ANO10: variants seen among roughly 807,000 people sequenced by gnomAD.
The protein encoded by ANO10 is anoctamin-10.
ANO10 carries 77 observed loss-of-function variants against 74.7 expected under a neutral mutation model. The ratio of observed to expected loss-of-function variants is 1.03; its 90% CI spans 0.86 to 1.25. The LOEUF (loss-of-function observed/expected upper bound fraction) is 1.25. Among genes scored for constraint, ANO10 ranks in the 50% most tolerant of loss-of-function variants. The pLI is 0.00. For synonymous variants in ANO10, 279 were observed against 284.9 expected, an observed-to-expected ratio of 0.98 and a Z score of 0.21; for missense variants, 721 against 778.1, an observed-to-expected ratio of 0.93 and a Z score of 0.87.
rs1415493482 is a variant in ANO10 at position 43,549,795 on chromosome 3, A to C, written c.1722T>G (p.Ile574Met). The change falls in exon 11 of 13, where the codon ATT (isoleucine) becomes ATG (methionine). Residue 574 changes from isoleucine to methionine, a missense_variant. Ile to Met is a conservative substitution (Grantham distance 10). Coordinates refer to ENST00000292246, the MANE Select transcript of ANO10 (RefSeq NM_018075.5). ...CTGCATTCACTTGTGGTGACATTCCAATCAGCGCACAGTTAGTGACCACAG... is the reference window on the plus strand; with the variant it reads ...CTGCATTCACTTGTGGTGACATTCCCATCAGCGCACAGTTAGTGACCACAG... ...VISVVTNCAL[I>M]GMSPQVNAVF... The C allele has an allele frequency of 5.0e-6, 8 of 1,614,074 alleles. No individual in the cohort carries two copies. The highest frequency in any genetic ancestry group is 6.8e-6 in the Non-Finnish European group (8 of 1,179,914).
rs545816690 is a variant in ANO10 at position 43,556,858 on chromosome 3, T to C, written c.1477-1389A>G. Among the ~76,000 whole-genome samples, 10 of 152,216 alleles carry C rather than the reference T, an allele frequency of 6.6e-5. No individual in the cohort carries two copies. The South Asian group carries it at 2.1e-3, about 32-fold the overall frequency. On this transcript the variant is annotated intron_variant, in intron 9 of 12. Coordinates refer to ENST00000292246, the MANE Select transcript of ANO10 (RefSeq NM_018075.5). ...ATTCAAATTGTATTGAACATACCAG[T>C]AAGCCTAGTAGATAATAAAAAGGGT...
intron 12 of ANO10, among the ~76,000 whole-genome samples, chr3:43,377,549 G>A (rs1336465848): frequency 6.6e-6 from 1 of 152,156 alleles, no homozygotes; most frequent in East Asian, 1.9e-4. Context: ...TTGTCATACA[G>A]GTCACCTGGG....
At chr3:43,531,816 G>T (rs538820668) in intron 11 of ANO10, among the ~76,000 whole-genome samples, 2 of 151,908 alleles carry the variant, frequency 1.3e-5, no homozygotes, top group East Asian at 3.9e-4. Context: ...GATCACCTGA[G>T]CCCAGGAGGC....
intron 1 of ANO10, among the ~76,000 whole-genome samples, chr3:43,615,666 T>C (rs1040446390): frequency 2.6e-5 from 4 of 152,044 alleles, no homozygotes; most frequent in African/African-American, 7.2e-5. Flanking sequence ...TTGTTTTTTT[T>C]TTCTTGAGAC....
rs1397366284 is a variant in ANO10 at position 43,568,741 on chromosome 3, C to A, written c.1219-3014G>T. 6.0e-4 allele frequency among the ~76,000 whole-genome samples: 86 copies of A among 142,862 alleles called. 2 individuals are homozygous for A. The Middle Eastern group carries it at 0.044, about 73-fold the overall frequency. The allele number at this position is 142,862 out of a possible 152,430, so 93.7% of individuals were successfully genotyped here. On this transcript the variant is annotated intron_variant, in intron 7 of 12. Coordinates refer to ENST00000292246, the MANE Select transcript of ANO10 (RefSeq NM_018075.5). ...GCCCACAAGAGAAAGCAGGAAAGAT[C>A]CAAAATTGACACCCTAACATCACAA... is the stretch of plus-strand genomic sequence containing the variant.
intron 11 of ANO10, among the ~76,000 whole-genome samples, chr3:43,517,919 G>A (rs1575323050): frequency 6.6e-6 from 1 of 152,190 alleles, no homozygotes; most frequent in East Asian, 1.9e-4. Context: ...ATTGTGGGCT[G>A]GTAAAAAATA....
intron 12 of ANO10, among the ~76,000 whole-genome samples, chr3:43,383,453 CAAAA>C (rs1235535066): frequency 3.5e-4 from 18 of 50,842 alleles, no homozygotes; most frequent in African/African-American, 1.2e-3. Flanking sequence ...GACTCTGTCT[CAAAA>C]AAAAAAAAAA....
chr3:43,513,993 T>C, intron 11 of ANO10, among the ~76,000 whole-genome samples: 1 of 150,678 alleles, frequency 6.6e-6, no homozygotes, highest in East Asian at 1.9e-4. Context: ...TTGCTTGCTA[T>C]TTTTATTTTG....
At chr3:43,597,494 C>G (rs991101914) in intron 4 of ANO10, among the ~76,000 whole-genome samples, 13 of 152,166 alleles carry the variant, frequency 8.5e-5, no homozygotes, top group African/African-American at 2.7e-4. Flanking sequence ...CCATCATTCT[C>G]AGCAAACTAT....
chr3:43,422,557 G>A lies in ANO10; in HGVS notation c.1914+10054C>T, dbSNP rs76682623. On this transcript the variant is annotated intron_variant, in intron 12 of 12. Transcript: ENST00000292246. The stretch of plus-strand genomic sequence containing the variant: ...CAAGCACACAGCCATCACTTCTACA[G>A]CATAGTGGCCCCAAGGCCTTTCTCT... Among the ~76,000 whole-genome samples, 39 of 152,290 alleles carry A rather than the reference G, an allele frequency of 2.6e-4. 1 individual carries two copies. The East Asian group carries it at 7.1e-3, about 28-fold the overall frequency.
At chr3:43,656,913 C>G (rs1208541411) in intron 1 of ANO10, among the ~76,000 whole-genome samples, 1 of 152,234 alleles carries the variant, frequency 6.6e-6, no homozygotes, top group African/African-American at 2.4e-5. Flanking sequence ...CAAGTGCCGC[C>G]AAAGTGGGAG....
chr3:43,676,147 G>A (rs1261779488), intron 1 of ANO10, among the ~76,000 whole-genome samples: 1 of 152,080 alleles, frequency 6.6e-6, no homozygotes, highest in African/African-American at 2.4e-5. Flanking sequence ...ATTATGCTGG[G>A]AGAAAAGTCA....
intron 1 of ANO10, among the ~76,000 whole-genome samples, chr3:43,664,898 G>A (rs770003451): frequency 5.3e-5 from 8 of 151,460 alleles, no homozygotes; most frequent in East Asian, 3.9e-4. Context: ...GAGAGGTTGT[G>A]GAAAAATAGG....
intron 1 of ANO10, among the ~76,000 whole-genome samples, chr3:43,681,269 G>A (rs4682901): frequency 0.59 from 89,483 of 151,700 alleles, 30,163 homozygotes; most frequent in East Asian, 0.75. Flanking sequence ...AAAAGGCCGG[G>A]GCTGCAATCC....
intron 1 of ANO10, among the ~76,000 whole-genome samples, chr3:43,619,868 C>CA (rs746826623): frequency 0.067 from 5,317 of 79,780 alleles, 138 homozygotes; most frequent in Admixed American, 0.13. Flanking sequence ...AGACCTTGTC[C>CA]AAAAAAAAAA....
intron 9 of ANO10, among the ~76,000 whole-genome samples, chr3:43,556,609 T>A (rs1347272306): frequency 1.3e-5 from 2 of 151,878 alleles, no homozygotes; most frequent in African/African-American, 4.8e-5. Context: ...GGAAAAAAAA[T>A]GAAAATTCAA....
At chr3:43,420,880 G>A (rs182136120) in intron 12 of ANO10, among the ~76,000 whole-genome samples, 49 of 152,292 alleles carry the variant, frequency 3.2e-4, no homozygotes, top group Non-Finnish European at 6.3e-4. Context: ...GGTAGTCATA[G>A]ACCAGTATCT....
chr3:43,450,323 C>A (rs1559556143), intron 11 of ANO10, among the ~76,000 whole-genome samples: 2 of 152,038 alleles, frequency 1.3e-5, no homozygotes, highest in African/African-American at 4.8e-5. Context: ...GGCAGAAGAC[C>A]TGAGGTCAGG....
intron 7 of ANO10, among the ~76,000 whole-genome samples, chr3:43,573,757 C>T (rs1292073903): frequency 6.6e-6 from 1 of 152,280 alleles, no homozygotes; most frequent in East Asian, 1.9e-4. Flanking sequence ...TGTCTCTTTC[C>T]TCCCACCTGT....
Sources: allele counts gnomAD v4.1 joint callset (sites outside exome capture counted in the v4.1 genomes callset), GRCh38; gene constraint gnomAD v4.1.1; transcripts MANE v1.5; gene names NCBI Gene and HGNC (gene_info 2026-07-23, HGNC 2026-07-21).